CD247: variants seen among roughly 807,000 people sequenced by gnomAD.
CD247 encodes CD247 molecule, also known as T-cell surface glycoprotein CD3 zeta chain.
Under a neutral mutation model 30.0 loss-of-function variants are expected in CD247, and 13 were observed. The observed-to-expected ratio is 0.43, with a 90% CI of 0.28 to 0.69. The LOEUF (loss-of-function observed/expected upper bound fraction) is 0.69. CD247 is among the 30% of genes least tolerant of loss of function. The pLI is 0.16. For missense variants in CD247, 193 were observed against 212.6 expected (o/e 0.91, Z 0.57); for synonymous variants, 72 against 80.0 (o/e 0.90, Z 0.53).
rs145505909 is a variant in CD247 at position 167,435,425 on chromosome 1, T to C, written c.310A>G (p.Lys104Glu). The change falls in exon 5 of 8, where the codon AAG becomes GAG. Residue 104 changes from lysine to glutamate, a missense_variant. By Grantham distance (56) the Lys-to-Glu change is moderately conservative (BLOSUM62 1). Coordinates refer to ENST00000362089, the MANE Select transcript of CD247 (RefSeq NM_198053.3). ...PEMGGKPQRR[K>E]NPQEGLYNEL... Reference sequence around the variant, plus strand: ...TTGTACAGGCCTTCCTGAGGGTTCTTCCTTCTCTGCTAGGAAAGACAACGG... The same window carrying C: ...TTGTACAGGCCTTCCTGAGGGTTCTCCCTTCTCTGCTAGGAAAGACAACGG... 30 of 1,612,574 alleles carry C rather than the reference T, an allele frequency of 1.9e-5. No individual in the cohort carries two copies. The African/African-American group carries it at 3.7e-4, about 20-fold the overall frequency.
At chr1:167,437,436 C>T (rs1049307187) in intron 4 of CD247, among the ~76,000 whole-genome samples, 12 of 150,740 alleles carry the variant, frequency 8.0e-5, no homozygotes, top group Non-Finnish European at 4.4e-5. Flanking sequence ...ACAAAAGAAA[C>T]CAATAACCAA....
intron 1 of CD247, among the ~76,000 whole-genome samples, chr1:167,472,503 A>G (rs1653573807): frequency 6.6e-6 from 1 of 152,212 alleles, no homozygotes; most frequent in Non-Finnish European, 1.5e-5. Flanking sequence ...AATTTATTTT[A>G]TCTATTTAAA....
intron 1 of CD247, 51 bp from the exon 2 acceptor site, chr1:167,440,818 A>G (rs752843512): frequency 8.5e-7 from 1 of 1,171,392 alleles, no homozygotes; most frequent in Non-Finnish European, 1.3e-6. Flanking sequence ...ACGAGAACAC[A>G]TCCCCATTAC....
chr1:167,451,317 C>T (rs1652344481), intron 1 of CD247, among the ~76,000 whole-genome samples: 1 of 152,092 alleles, frequency 6.6e-6, no homozygotes, highest in Non-Finnish European at 1.5e-5. Flanking sequence ...AATAACATTT[C>T]AAAGAAAAAA....
At chr1:167,503,832 G>GC (rs35571942) in intron 1 of CD247, among the ~76,000 whole-genome samples, 2,389 of 152,174 alleles carry the variant, frequency 0.016, 68 homozygotes, top group African/African-American at 0.055. Context: ...CAAAGGCCAT[G>GC]CCCCCCTACC....
chr1:167,514,297 C>G (rs1269538504), intron 1 of CD247, among the ~76,000 whole-genome samples: 1 of 152,122 alleles, frequency 6.6e-6, no homozygotes, highest in Non-Finnish European at 1.5e-5. Context: ...CCACCATGCC[C>G]AGTTAATTTT....
chr1:167,452,161 G>A (rs1361166616), intron 1 of CD247, among the ~76,000 whole-genome samples: 1 of 152,180 alleles, frequency 6.6e-6, no homozygotes, highest in East Asian at 1.9e-4. Context: ...GGAGGCAGAG[G>A]TTGCAGTGAG....
intron 1 of CD247, among the ~76,000 whole-genome samples, chr1:167,456,162 T>C (rs566282151): frequency 5.3e-5 from 8 of 152,336 alleles, no homozygotes; most frequent in Non-Finnish European, 1.0e-4. Flanking sequence ...TTCAGGGCTT[T>C]CCTGGCACAC....
intron 1 of CD247, among the ~76,000 whole-genome samples, chr1:167,502,937 C>T (rs114083154): frequency 1.2e-3 from 185 of 152,278 alleles, no homozygotes; most frequent in Admixed American, 3.3e-3. Flanking sequence ...TTTAGCCTTC[C>T]GAACTGTGAG....
At position 167,477,340 on chromosome 1, in the gene CD247, G is replaced by A. The variant is rs1482500969; in HGVS notation, c.59-36573C>T. On this transcript the variant is annotated intron_variant, in intron 1 of 7. Transcript: ENST00000362089. Reference sequence around the variant, plus strand: ...GAGCCTGCCTTGAGCCCAAATTCCAGTGGTCAGTGCCAGAAGAAAGACAAA... The same window carrying A: ...GAGCCTGCCTTGAGCCCAAATTCCAATGGTCAGTGCCAGAAGAAAGACAAA... Among the ~76,000 whole-genome samples, 7 of 152,210 alleles carry A rather than the reference G, an allele frequency of 4.6e-5. 1 individual carries two copies. In the East Asian group the frequency reaches 1.3e-3, roughly 29 times the overall value.
intron 1 of CD247, among the ~76,000 whole-genome samples, chr1:167,443,784 T>C (rs1214827990): frequency 6.6e-6 from 1 of 152,102 alleles, no homozygotes; most frequent in Non-Finnish European, 1.5e-5. Flanking sequence ...ATGACAAGTG[T>C]GCTGTGTGTG....
chr1:167,438,711 C>T, intron 3 of CD247, 61 bp from the exon 4 acceptor site: 1 of 1,335,262 alleles, frequency 7.5e-7, no homozygotes, highest in African/African-American at 1.5e-5. Flanking sequence ...ATGGAGCCAG[C>T]TGGACTGGGG....
chr1:167,496,428 C>T (rs1654692851), intron 1 of CD247, among the ~76,000 whole-genome samples: 1 of 152,216 alleles, frequency 6.6e-6, no homozygotes, highest in Non-Finnish European at 1.5e-5. Flanking sequence ...TGCAACCCCC[C>T]TGCTCTTTGG....
chr1:167,449,595 CTT>C (rs1342036046), intron 1 of CD247, among the ~76,000 whole-genome samples: 1 of 152,180 alleles, frequency 6.6e-6, no homozygotes, highest in African/African-American at 2.4e-5. Flanking sequence ...TGACCAAAGT[CTT>C]TGTTATTTAT....
In CD247 at chr1:167,498,697, A is replaced by G. The variant is rs552705741; in HGVS notation, c.58+19711T>C. ...AGGACAGTTTCAGAGAGGTCAAGAA[A>G]CCTGCCCAAGATCACGTTGCTGGGT... On this transcript the variant is annotated intron_variant, in intron 1 of 7. Transcript: ENST00000362089. Among the ~76,000 whole-genome samples, 270 of 152,326 alleles carry G rather than the reference A, an allele frequency of 1.8e-3. 1 individual carries two copies. Among genetic ancestry groups the G allele is most frequent in the African/African-American group, 6.2e-3 (256 of 41,566 alleles).
intron 1 of CD247, among the ~76,000 whole-genome samples, chr1:167,492,118 G>A (rs899724746): frequency 6.6e-6 from 1 of 151,908 alleles, no homozygotes; most frequent in African/African-American, 2.4e-5. Flanking sequence ...TGGCTAAGAG[G>A]GTAAATTTTA....
chr1:167,470,184 G>T (rs1027447376), intron 1 of CD247, among the ~76,000 whole-genome samples: 15 of 152,130 alleles, frequency 9.9e-5, no homozygotes, highest in Admixed American at 5.2e-4. Flanking sequence ...AAAGTGGTGG[G>T]ATTACAGGCA....
intron 1 of CD247, among the ~76,000 whole-genome samples, chr1:167,488,920 A>G (rs930345467): frequency 5.9e-5 from 9 of 152,284 alleles, no homozygotes; most frequent in Admixed American, 3.3e-4. Flanking sequence ...AGGGCCTGCC[A>G]GGAGGGTTTT....
At chr1:167,447,172 G>C (rs142905730) in intron 1 of CD247, among the ~76,000 whole-genome samples, 1 of 152,284 alleles carries the variant, frequency 6.6e-6, no homozygotes, top group Non-Finnish European at 1.5e-5. Context: ...TTAATCCTCA[G>C]AACAACCTTG....
Sources: allele counts gnomAD v4.1 joint callset (sites outside exome capture counted in the v4.1 genomes callset), GRCh38; gene constraint gnomAD v4.1.1; transcripts MANE v1.5; gene names NCBI Gene and HGNC (gene_info 2026-07-23, HGNC 2026-07-21).